The following ZNF441 variants were observed in gnomAD, a reference collection of about 807,000 sequenced individuals.
ZNF441 encodes zinc finger protein 441.
A neutral mutation model predicts 64.5 loss-of-function variants in ZNF441; 25 were observed. The observed-to-expected ratio is 0.39, with a 90% CI of 0.28 to 0.54. The LOEUF is 0.54. Among genes scored for constraint, ZNF441 ranks in the 20% least tolerant of loss-of-function variants. ZNF441 has a pLI of 0.70. For missense variants in ZNF441, 715 were observed against 843.3 expected, an observed-to-expected ratio of 0.85 and a Z score of 1.88; for synonymous variants, 262 against 268.0, an observed-to-expected ratio of 0.98 and a Z score of 0.22.
intron 1 of ZNF441, among the ~76,000 whole-genome samples, chr19:11,771,263 A>G (rs1197192902): frequency 6.6e-6 from 1 of 152,198 alleles, no homozygotes; most frequent in Non-Finnish European, 1.5e-5. Flanking sequence ...GCATGCCCAC[A>G]TAGTTGATAA....
In ZNF441 at chr19:11,783,303, TG is replaced by T. The variant is rs1975418673; in HGVS notation, c.*1398del. 6.6e-6 allele frequency: 1 copy of T among 152,174 alleles called. No individual in the cohort carries two copies. Among genetic ancestry groups the T allele is most frequent in the Admixed American group, 6.5e-5 (1 of 15,284 alleles). The allele number at this position is 152,174 out of a possible 1,614,324, so 9.4% of individuals were successfully genotyped here. A position where few individuals can be genotyped will look rare whatever the true frequency, so the allele number is the denominator to read the frequency against. Reference sequence around the variant, plus strand: ...AAAAAACAACAAATGCTGATGAGGATGTGGAGAAAAGAAAACTTTCACTGTT... The same window carrying T: ...AAAAAACAACAAATGCTGATGAGGATTGGAGAAAAGAAAACTTTCACTGTT... On this transcript the variant is annotated 3_prime_UTR_variant, in exon 4 of 4. Transcript: ENST00000357901.
Position 11,777,616 on chromosome 19 carries a change from A to G in ZNF441, c.9A>G (p.Ser3=). ...GCACATGTGAAATATTTCAGGACTCAGTGGCATTTGAGGATGTGGCTATAA... is the reference window on the plus strand; with the variant it reads ...GCACATGTGAAATATTTCAGGACTCGGTGGCATTTGAGGATGTGGCTATAA... The part of the protein sequence containing the change: MD[S]VAFEDVAINF... Residue 3 remains serine, a synonymous_variant, in exon 2 of 4, where the codon TCA becomes TCG. Coordinates refer to ENST00000357901, the MANE Select transcript of ZNF441 (RefSeq NM_152355.3). 2.5e-6 allele frequency: 4 copies of G among 1,612,344 alleles called. No homozygotes were observed. The highest frequency in any genetic ancestry group is 3.4e-6 in the Non-Finnish European group (4 of 1,179,168).
In ZNF441 at chr19:11,767,163, A is replaced by C; in HGVS notation, c.-31A>C. On this transcript the variant is annotated 5_prime_UTR_variant, in exon 1 of 4. Coordinates refer to ENST00000357901, the MANE Select transcript of ZNF441 (RefSeq NM_152355.3). The surrounding 1 kb of genome is among the most constrained non-coding windows in gnomAD (Gnocchi z 5.1). ...GACCCGCACTGACAGCGGGAGGCAGAGGGAGGAACCTGGACGCCGGAAGCC... is the reference window on the plus strand; with the variant it reads ...GACCCGCACTGACAGCGGGAGGCAGCGGGAGGAACCTGGACGCCGGAAGCC... 6.4e-7 allele frequency: 1 copy of C among 1,556,618 alleles called. No homozygotes were observed. Among genetic ancestry groups the C allele is most frequent in the Non-Finnish European group, 8.7e-7 (1 of 1,149,982 alleles).
At chr19:11,777,463 G>T (rs1975364094) in intron 1 of ZNF441, 148 bp from the exon 2 acceptor site, 2 of 773,128 alleles carry the variant, frequency 2.6e-6, no homozygotes, top group Admixed American at 3.2e-5. Flanking sequence ...GGGATAAAAT[G>T]AGTGTAAAGA....
Position 11,767,030 on chromosome 19 carries a change from G to T in ZNF441, c.-164G>T. 2.0e-6 allele frequency: 2 copies of T among 1,006,026 alleles called. No homozygotes were observed. The highest frequency in any genetic ancestry group is 1.6e-5 in the South Asian group (1 of 63,630). The allele number at this position is 1,006,026 out of a possible 1,614,324, so 62.3% of individuals were successfully genotyped here. ...TCAGGCGCACTGACCGGAGGAGGGT[G>T]CAAGGTTCAAAGAGCCCGCCGAGTC... On this transcript the variant is annotated 5_prime_UTR_variant, in exon 1 of 4. Transcript: ENST00000357901. This position sits in a 1 kb window ranked among gnomAD's most constrained non-coding sequence, Gnocchi z 5.1.
intron 1 of ZNF441, among the ~76,000 whole-genome samples, chr19:11,777,256 C>G (rs904212952): frequency 6.6e-6 from 1 of 151,852 alleles, no homozygotes; most frequent in Non-Finnish European, 1.5e-5. Flanking sequence ...CTGGTGAGAG[C>G]CTTCTTGCTG....
chr19:11,770,481 G>A lies in ZNF441; in HGVS notation c.3+3285G>A, dbSNP rs191718572. Among the ~76,000 whole-genome samples, 16 of 152,300 alleles carry A rather than the reference G, an allele frequency of 1.1e-4. No homozygotes were observed. In the East Asian group the frequency reaches 2.7e-3, roughly 26 times the overall value. ...CCCTCTGCTTGTATTTTCTGAAAGA[G>A]ATTATAGAGAATTGGTGTCATTTCT... On this transcript the variant is annotated intron_variant, in intron 1 of 3. Transcript: ENST00000357901.
At chr19:11,768,592 T>C (rs1005805389) in intron 1 of ZNF441, among the ~76,000 whole-genome samples, 3 of 152,182 alleles carry the variant, frequency 2.0e-5, no homozygotes, top group Non-Finnish European at 4.4e-5. Flanking sequence ...TGCCCACAGC[T>C]GCCAAGTCTC....
intron 1 of ZNF441, among the ~76,000 whole-genome samples, chr19:11,774,444 T>A (rs373583139): frequency 6.6e-6 from 1 of 152,190 alleles, no homozygotes; most frequent in Non-Finnish European, 1.5e-5. Flanking sequence ...CAATCATACA[T>A]TCTATCAATT....
chr19:11,775,362 C>T lies in ZNF441; in HGVS notation c.4-2249C>T, dbSNP rs375590883. 2.4e-4 allele frequency among the ~76,000 whole-genome samples: 36 copies of T among 152,270 alleles called. No individual in the cohort carries two copies. The East Asian group carries it at 2.5e-3, about 11-fold the overall frequency. On this transcript the variant is annotated intron_variant, in intron 1 of 3. Transcript: ENST00000357901. ...CCCTTTTTTTTGAGATGGAGTCTCG[C>T]GCTGTCGCCCAGGCTGGGGTGCAGT...
Position 11,780,334 on chromosome 19 carries a change from T to C in ZNF441, c.510T>C (p.Asp170=). ...CTCAGCATGGAAAGAAACTCTATGA[T>C]TGTAAGGAATGTGCAAGCTTCAGTT... The part of the protein sequence containing the change: ...ERPQHGKKLY[D]CKECASFSSL... Residue 170 remains aspartate, a synonymous_variant, in exon 4 of 4, where the codon GAT becomes GAC. Transcript: ENST00000357901. The C allele has an allele frequency of 6.2e-7, 1 of 1,614,164 alleles. No individual in the cohort carries two copies. Among genetic ancestry groups the C allele is most frequent in the East Asian group, 2.2e-5 (1 of 44,884 alleles).
rs530298710 is a variant in ZNF441, at chr19:11,776,172, G to A, written c.4-1439G>A. Among the ~76,000 whole-genome samples the A allele has an allele frequency of 2.4e-3, 363 of 152,212 alleles. 2 individuals carry two copies. Among genetic ancestry groups the A allele is most frequent in the Non-Finnish European group, 4.4e-3 (300 of 68,006 alleles). ...CCACAGATGGATTGAAAAATACAAA[G>A]GTGCAATAACTTACAAATAAGATCT... On this transcript the variant is annotated intron_variant, in intron 1 of 3. Coordinates refer to ENST00000357901, the MANE Select transcript of ZNF441 (RefSeq NM_152355.3).
chr19:11,783,355 A>G lies in ZNF441; in HGVS notation c.*1449A>G, dbSNP rs1410181079. 1 of 152,226 alleles carries G rather than the reference A, an allele frequency of 6.6e-6. No individual in the cohort carries two copies. The highest frequency in any genetic ancestry group is 1.5e-5 in the Non-Finnish European group (1 of 68,032). 9.4% of individuals were successfully genotyped at this position (152,226 alleles called of 1,614,324 possible). A position where few individuals can be genotyped will look rare whatever the true frequency, so the allele number is the denominator to read the frequency against. On this transcript the variant is annotated 3_prime_UTR_variant, in exon 4 of 4. Transcript: ENST00000357901. ...GGTGAAAGTATAAATTAGAACAACTACTGTGGAAAACAGTATGTAGATTTC... is the reference window on the plus strand; with the variant it reads ...GGTGAAAGTATAAATTAGAACAACTGCTGTGGAAAACAGTATGTAGATTTC...
chr19:11,780,274 C>T lies in ZNF441; in HGVS notation c.450C>T (p.Phe150=). 6.2e-7 allele frequency: 1 copy of T among 1,614,158 alleles called. No homozygotes were observed. The highest frequency in any genetic ancestry group is 8.5e-7 in the Non-Finnish European group (1 of 1,180,032). ...PYTHTQCGTA[F]SYQPCFQIHE... The stretch of plus-strand genomic sequence containing the variant: ...CACATACACAATGTGGGACAGCTTT[C>T]AGTTATCAGCCCTGCTTTCAAATAC... Residue 150 remains phenylalanine (F), a synonymous_variant, in exon 4 of 4, where the codon TTC becomes TTT. Coordinates refer to ENST00000357901, the MANE Select transcript of ZNF441 (RefSeq NM_152355.3).
rs761891047 is a variant in ZNF441 at position 11,777,715 on chromosome 19, C to T, written c.108C>T (p.Thr36=). 4.2e-5 allele frequency: 67 copies of T among 1,612,344 alleles called. No individual in the cohort carries two copies. Among genetic ancestry groups the T allele is most frequent in the Non-Finnish European group, 4.8e-5 (57 of 1,179,310 alleles). ...TCTACAGAGATGTGATGCAGGAAAC[C>T]ATCAGAAACCTGGACTGTATAGGTA... is the stretch of plus-strand genomic sequence containing the variant. ...KSLYRDVMQE[T]IRNLDCIGMI... Residue 36 remains threonine (T), a synonymous_variant, in exon 2 of 4, where the codon ACC becomes ACT. Coordinates refer to ENST00000357901, the MANE Select transcript of ZNF441 (RefSeq NM_152355.3).
chr19:11,769,613 C>T lies in ZNF441; in HGVS notation c.3+2417C>T, dbSNP rs368122715. ...CACAACAGATATTCATTTCTCAAAG[C>T]TATAAAGGCTGAGAATTCAGTTTCA... On this transcript the variant is annotated intron_variant, in intron 1 of 3. Transcript: ENST00000357901. Among the ~76,000 whole-genome samples, 11 of 152,214 alleles carry T rather than the reference C, an allele frequency of 7.2e-5. No individual in the cohort carries two copies. In the East Asian group the frequency reaches 1.9e-3, roughly 27 times the overall value.
chr19:11,780,698 CT>C lies in ZNF441; in HGVS notation c.876del (p.Gly293GlufsTer7). 1 of 1,614,010 alleles carries C rather than the reference CT, an allele frequency of 6.2e-7. No homozygotes were observed. Among genetic ancestry groups the C allele is most frequent in the Non-Finnish European group, 8.5e-7 (1 of 1,180,000 alleles). On this transcript the variant is annotated frameshift_variant, in exon 4 of 4. Coordinates refer to ENST00000357901, the MANE Select transcript of ZNF441 (RefSeq NM_152355.3). LOFTEE classifies it high-confidence loss of function. ...CKQCGKAFYH[L>X]GSFQRHMIVH... is the part of the protein sequence containing the mutation. The stretch of plus-strand genomic sequence containing the variant: ...GCAATGTGGGAAAGCATTTTATCAT[CT>C]TGGAAGCTTTCAAAGACACATGATA...
chr19:11,775,339 C>T (rs910915251), intron 1 of ZNF441, among the ~76,000 whole-genome samples: 2 of 151,856 alleles, frequency 1.3e-5, no homozygotes, highest in Non-Finnish European at 2.9e-5. Context: ...TGAATGCCCC[C>T]TTTTTTTTGA....
rs1975409908 is a variant in ZNF441 at position 11,782,118 on chromosome 19, T to G, written c.*212T>G. Reference sequence around the variant, plus strand: ...TGTGAGGAATATGAAAAAACTTTCTTTGTCTAGCAAACTTTCAAAGGTGGT... The same window carrying G: ...TGTGAGGAATATGAAAAAACTTTCTGTGTCTAGCAAACTTTCAAAGGTGGT... On this transcript the variant is annotated 3_prime_UTR_variant, in exon 4 of 4. Coordinates refer to ENST00000357901, the MANE Select transcript of ZNF441 (RefSeq NM_152355.3). 9.2e-6 allele frequency: 4 copies of G among 434,890 alleles called. No homozygotes were observed. In the South Asian group the frequency reaches 2.4e-4, roughly 26 times the overall value. 26.9% of individuals were successfully genotyped at this position (434,890 alleles called of 1,614,324 possible). A position where few individuals can be genotyped will look rare whatever the true frequency, so the allele number is the denominator to read the frequency against.
Sources: allele counts gnomAD v4.1 joint callset (sites outside exome capture counted in the v4.1 genomes callset), GRCh38; gene constraint gnomAD v4.1.1; non-coding constraint Gnocchi (gnomAD v3.1); transcripts MANE v1.5; gene names NCBI Gene and HGNC (gene_info 2026-07-23, HGNC 2026-07-21).